Variants in EIF2B3 observed in about 807,000 individuals in gnomAD.
EIF2B3 encodes the protein eukaryotic translation initiation factor 2B subunit gamma.
A neutral mutation model predicts 54.1 loss-of-function variants in EIF2B3; 20 were observed. That is an observed-to-expected ratio of 0.37 (90% confidence interval 0.26 to 0.54). EIF2B3 has a LOEUF of 0.54. EIF2B3 is among the 20% of genes least tolerant of loss of function. The pLI, the probability that EIF2B3 is intolerant of heterozygous loss-of-function variation, is 0.86. For synonymous variants in EIF2B3, 153 were observed against 188.1 expected, an observed-to-expected ratio of 0.81 and a Z score of 1.52; for missense variants, 448 against 547.8, an observed-to-expected ratio of 0.82 and a Z score of 1.82.
intron 10 of EIF2B3, 97 bp from the exon 11 acceptor site, chr1:44,857,904 C>A (rs986917637): frequency 8.8e-7 from 1 of 1,141,732 alleles, no homozygotes; most frequent in Non-Finnish European, 1.3e-6. Context: ...AGGCCAGGAA[C>A]AGCTGGGCAG....
At chr1:44,894,745 TGAC>T (rs1206321484) in intron 6 of EIF2B3, among the ~76,000 whole-genome samples, 4 of 152,198 alleles carry the variant, frequency 2.6e-5, no homozygotes, top group Non-Finnish European at 5.9e-5. Context: ...CATCATCTGA[TGAC>T]CAGATGATTA....
chr1:44,945,414 C>A (rs1457923579), intron 3 of EIF2B3, among the ~76,000 whole-genome samples: 5 of 151,620 alleles, frequency 3.3e-5, no homozygotes, highest in Non-Finnish European at 5.9e-5. Context: ...ATCAGCAGGG[C>A]GTGGTGGCAG....
intron 7 of EIF2B3, among the ~76,000 whole-genome samples, chr1:44,880,717 C>G (rs969415531): frequency 2.6e-5 from 4 of 152,140 alleles, no homozygotes; most frequent in Non-Finnish European, 4.4e-5. Flanking sequence ...AATCCCAGCA[C>G]TTTGGGAGGC....
Position 44,939,614 on chromosome 1 carries a change from C to T in EIF2B3, c.454+1892G>A, listed in dbSNP as rs11807700. On this transcript the variant is annotated intron_variant, in intron 4 of 11. Coordinates refer to ENST00000360403, the MANE Select transcript of EIF2B3 (RefSeq NM_020365.5). ...ACATTGTATACATAAATTATAACAT[C>T]GCTTTGTATCCCATAAATTTATACA... is the stretch of plus-strand genomic sequence containing the variant. 6.7e-3 allele frequency among the ~76,000 whole-genome samples: 1,020 copies of T among 151,964 alleles called. 13 individuals are homozygous for T. Among genetic ancestry groups the T allele is most frequent in the African/African-American group, 0.023 (949 of 41,446 alleles).
chr1:44,858,070 CTT>C (rs3044232), intron 10 of EIF2B3, among the ~76,000 whole-genome samples: 32 of 127,326 alleles, frequency 2.5e-4, no homozygotes, highest in Middle Eastern at 4.1e-3. Context: ...ACTTCAGTTC[CTT>C]TTTTTTTTTT....
chr1:44,965,029 G>C (rs906748153), intron 3 of EIF2B3, among the ~76,000 whole-genome samples: 1 of 152,144 alleles, frequency 6.6e-6, no homozygotes, highest in Non-Finnish European at 1.5e-5. Context: ...CATATCCAAG[G>C]AGTCAGCCAG....
At chr1:44,950,768 A>G (rs1243994108) in intron 3 of EIF2B3, among the ~76,000 whole-genome samples, 1 of 152,150 alleles carries the variant, frequency 6.6e-6, no homozygotes, top group African/African-American at 2.4e-5. Flanking sequence ...GGCTCACTGC[A>G]ACCTCCACCT....
intron 3 of EIF2B3, chr1:44,972,646 A>ACACC (rs1644414010): frequency 6.6e-6 from 1 of 152,156 alleles, no homozygotes; most frequent in African/African-American, 2.4e-5. Flanking sequence ...ACACACACAC[A>ACACC]CACACACACA....
intron 3 of EIF2B3, among the ~76,000 whole-genome samples, chr1:44,945,818 A>G (rs1644095777): frequency 6.6e-6 from 1 of 152,148 alleles, no homozygotes; most frequent in Admixed American, 6.6e-5. Context: ...TTTGCTGAGG[A>G]AAAAAATCCC....
At chr1:44,851,831 G>A (rs924724230) in intron 11 of EIF2B3, among the ~76,000 whole-genome samples, 3 of 152,108 alleles carry the variant, frequency 2.0e-5, no homozygotes, top group African/African-American at 7.2e-5. Context: ...TCAATAAGTT[G>A]TGGCTATTAT....
intron 3 of EIF2B3, among the ~76,000 whole-genome samples, chr1:44,954,741 C>A (rs548625095): frequency 6.6e-6 from 1 of 152,188 alleles, no homozygotes; most frequent in South Asian, 2.1e-4. Context: ...ATTGCCCTGA[C>A]CAGAACTTCC....
intron 4 of EIF2B3, among the ~76,000 whole-genome samples, chr1:44,937,055 G>C (rs553295109): frequency 3.3e-5 from 5 of 152,072 alleles, no homozygotes; most frequent in African/African-American, 1.2e-4. Context: ...TGCAGTGCTG[G>C]GTATTTTTTT....
At chr1:44,963,940 C>G (rs564893887) in intron 3 of EIF2B3, among the ~76,000 whole-genome samples, 1 of 152,250 alleles carries the variant, frequency 6.6e-6, no homozygotes, top group South Asian at 2.1e-4. Context: ...GACTCAAACA[C>G]AGGGCTTGCA....
chr1:44,972,308 C>CATAT (rs752589422), intron 3 of EIF2B3, among the ~76,000 whole-genome samples: 1 of 140,426 alleles, frequency 7.1e-6, no homozygotes. Context: ...CACACACACA[C>CATAT]ATATATATAT....
At chr1:44,965,595 A>C (rs958128325) in intron 3 of EIF2B3, among the ~76,000 whole-genome samples, 1 of 150,676 alleles carries the variant, frequency 6.6e-6, no homozygotes, top group Non-Finnish European at 1.5e-5. Flanking sequence ...GCAATACAAT[A>C]GTCAAAAAGG....
At chr1:44,894,076 C>T (rs1346622969) in intron 6 of EIF2B3, among the ~76,000 whole-genome samples, 1 of 152,132 alleles carries the variant, frequency 6.6e-6, no homozygotes, top group African/African-American at 2.4e-5. Context: ...ACCTGGGCTT[C>T]TAGATCTCCT....
chr1:44,859,528 C>T (rs568354361), intron 10 of EIF2B3, among the ~76,000 whole-genome samples: 3 of 151,798 alleles, frequency 2.0e-5, no homozygotes, highest in East Asian at 3.9e-4. Context: ...CATGGCGGTG[C>T]GCACCTGTGA....
At chr1:44,904,832 A>G (rs964405620) in intron 5 of EIF2B3, among the ~76,000 whole-genome samples, 4 of 152,186 alleles carry the variant, frequency 2.6e-5, no homozygotes, top group African/African-American at 9.6e-5. Flanking sequence ...AATCTTAAAC[A>G]TATTCCAACA....
At chr1:44,882,497 C>T (rs1407535781) in intron 6 of EIF2B3, among the ~76,000 whole-genome samples, 1 of 150,540 alleles carries the variant, frequency 6.6e-6, no homozygotes, top group Non-Finnish European at 1.5e-5. Context: ...GGCTGGAGTA[C>T]AGTGGTGCGA....
Sources: allele counts gnomAD v4.1 joint callset (sites outside exome capture counted in the v4.1 genomes callset), GRCh38; gene constraint gnomAD v4.1.1; transcripts MANE v1.5; gene names NCBI Gene and HGNC (gene_info 2026-07-23, HGNC 2026-07-21).